Variants in NF1 observed in about 807,000 individuals in gnomAD.
The protein encoded by NF1 is neurofibromin 1, also known as neurofibromin.
A neutral mutation model predicts 325.7 loss-of-function variants in NF1; 122 were observed. The observed-to-expected ratio is 0.37, with a 90% CI of 0.32 to 0.44. NF1 has a LOEUF of 0.44. Ranked by LOEUF, NF1 falls within the 20% of genes least tolerant of loss-of-function variation. The pLI is 1.00. For missense variants in NF1, 2,140 were observed against 3,415.4 expected, an observed-to-expected ratio of 0.63 and a Z score of 9.31; for synonymous variants, 1,091 against 1,186.0, an observed-to-expected ratio of 0.92 and a Z score of 1.65.
intron 36 of NF1, chr17:31,294,895 A>C: frequency 7.2e-7 from 1 of 1,386,166 alleles, no homozygotes; most frequent in South Asian, 1.2e-5. Context: ...AAATGTTAAG[A>C]CTGGCTTTCT....
chr17:31,111,772 G>A (rs930648735), intron 1 of NF1, among the ~76,000 whole-genome samples: 1 of 152,108 alleles, frequency 6.6e-6, no homozygotes, highest in Non-Finnish European at 1.5e-5. Flanking sequence ...TAGGCAGAAT[G>A]AAAATATCTC....
intron 8 of NF1, among the ~76,000 whole-genome samples, chr17:31,191,196 C>T (rs894864218): frequency 6.6e-6 from 1 of 152,098 alleles, no homozygotes; most frequent in Admixed American, 6.6e-5. Flanking sequence ...AAATATTTAT[C>T]TCTGTGAATA....
intron 16 of NF1, among the ~76,000 whole-genome samples, chr17:31,224,397 A>T (rs2066977851): frequency 6.6e-6 from 1 of 152,328 alleles, no homozygotes; most frequent in East Asian, 1.9e-4. Flanking sequence ...TATGAAACTC[A>T]TATCCTTTTC....
chr17:31,142,760 G>A (rs1428500983), intron 1 of NF1, among the ~76,000 whole-genome samples: 1 of 151,944 alleles, frequency 6.6e-6, no homozygotes, highest in Non-Finnish European at 1.5e-5. Flanking sequence ...CCAGCTACTC[G>A]GGAGGCTGAG....
At chr17:31,166,398 G>A (rs564136990) in intron 4 of NF1, among the ~76,000 whole-genome samples, 9 of 152,090 alleles carry the variant, frequency 5.9e-5, no homozygotes, top group Non-Finnish European at 1.3e-4. Flanking sequence ...CTCAGTTTTG[G>A]AATCCTTGAT....
rs1162887682 is a variant in NF1, at chr17:31,187,267, C to T, written c.888+4602C>T. Among the ~76,000 whole-genome samples, 7 of 152,128 alleles carry T rather than the reference C, an allele frequency of 4.6e-5. No individual in the cohort carries two copies. The South Asian group carries it at 6.2e-4, about 14-fold the overall frequency. ...AGGCTGGAGTGCAGTGGCGCGATCT[C>T]GGCTCACTGCAACCTCTGCCTCCCA... On this transcript the variant is annotated intron_variant, in intron 8 of 57. Transcript: ENST00000358273.
intron 10 of NF1, 118 bp downstream of exon 10, chr17:31,201,277 A>G: frequency 1.3e-6 from 2 of 1,491,930 alleles, no homozygotes; most frequent in South Asian, 1.2e-5. Flanking sequence ...TTATGTATTG[A>G]TGTTCGTTTC....
intron 29 of NF1, among the ~76,000 whole-genome samples, chr17:31,238,183 C>T (rs113815506): frequency 8.8e-4 from 134 of 152,210 alleles, no homozygotes; most frequent in African/African-American, 3.0e-3. Context: ...CCTAGTCTTG[C>T]AGGGACCCCT....
At chr17:31,192,426 T>C (rs2066361635) in intron 8 of NF1, among the ~76,000 whole-genome samples, 1 of 152,244 alleles carries the variant, frequency 6.6e-6, no homozygotes, top group Admixed American at 6.5e-5. Context: ...TAAGTAAATT[T>C]AGACGTTGTC....
chr17:31,281,912 T>G lies in NF1; in HGVS notation c.4835+16573T>G, dbSNP rs565187736. On this transcript the variant is annotated intron_variant, in intron 36 of 57. Coordinates refer to ENST00000358273, the MANE Select transcript of NF1 (RefSeq NM_001042492.3). ...CCTCTACAAAAAAAATTGCAAAAAT[T>G]AGCTGGATGTGGTGGTTGATGCCTG... is the stretch of plus-strand genomic sequence containing the variant. 1.1e-4 allele frequency among the ~76,000 whole-genome samples: 16 copies of G among 151,860 alleles called. No individual in the cohort carries two copies. In the South Asian group the frequency reaches 2.7e-3, roughly 26 times the overall value.
intron 57 of NF1, among the ~76,000 whole-genome samples, chr17:31,371,522 T>G (rs929018009): frequency 5.9e-5 from 9 of 152,210 alleles, no homozygotes; most frequent in Non-Finnish European, 1.2e-4. Flanking sequence ...CTTTTGTAAA[T>G]AGCTCTGGAG....
intron 50 of NF1, among the ~76,000 whole-genome samples, chr17:31,351,913 A>G (rs904716695): frequency 1.3e-5 from 2 of 150,168 alleles, no homozygotes; most frequent in Non-Finnish European, 3.0e-5. Context: ...TGTATTTTAT[A>G]TGTGGCCCAG....
intron 11 of NF1, among the ~76,000 whole-genome samples, chr17:31,203,302 C>G (rs946553662): frequency 1.3e-5 from 2 of 152,118 alleles, no homozygotes; most frequent in Non-Finnish European, 2.9e-5. Context: ...ATATGAAAAT[C>G]TGTTTTTATA....
intron 1 of NF1, among the ~76,000 whole-genome samples, chr17:31,121,486 C>T (rs893568050): frequency 1.3e-5 from 2 of 150,410 alleles, no homozygotes; most frequent in Non-Finnish European, 2.9e-5. Flanking sequence ...CTGCAAGCTC[C>T]GCCTCCCGTG....
At chr17:31,201,221 A>G (rs1031190566) in intron 10 of NF1, 62 bp downstream of exon 10, 420 of 1,595,886 alleles carry the variant, frequency 2.6e-4, no homozygotes, top group Non-Finnish European at 3.5e-4. Flanking sequence ...ATAAACAAAA[A>G]GACTATAGAG....
chr17:31,276,194 G>A (rs1388580097), intron 36 of NF1, among the ~76,000 whole-genome samples: 2 of 98,878 alleles, frequency 2.0e-5, no homozygotes, highest in Non-Finnish European at 3.6e-5. Flanking sequence ...GGGGGACAGA[G>A]CAAGACTCCA....
chr17:31,149,291 T>TAC lies in NF1; in HGVS notation c.61-6670_61-6669dup, dbSNP rs796806933. Among the ~76,000 whole-genome samples, 795 of 147,304 alleles carry TAC rather than the reference T, an allele frequency of 5.4e-3. 8 individuals carry two copies. The highest frequency in any genetic ancestry group is 0.014 in the African/African-American group (550 of 40,308). On this transcript the variant is annotated intron_variant, in intron 1 of 57. Transcript: ENST00000358273. ...TTATATACATGTACACACACACACA[T>TAC]ACACACACACACACACACACACATT...
intron 36 of NF1, among the ~76,000 whole-genome samples, chr17:31,277,159 A>C (rs2068024970): frequency 6.6e-6 from 1 of 152,178 alleles, no homozygotes; most frequent in Non-Finnish European, 1.5e-5. Context: ...GAGTAGGTGG[A>C]GGAGAAAGAA....
chr17:31,182,724 A>C, intron 8 of NF1, 59 bp downstream of exon 8: 3 of 1,480,962 alleles, frequency 2.0e-6, no homozygotes, highest in Non-Finnish European at 2.8e-6. Flanking sequence ...ATTTTACTCA[A>C]GGTGTGTATT....
Sources: allele counts gnomAD v4.1 joint callset (sites outside exome capture counted in the v4.1 genomes callset), GRCh38; gene constraint gnomAD v4.1.1; transcripts MANE v1.5; gene names NCBI Gene and HGNC (gene_info 2026-07-23, HGNC 2026-07-21).